The following SSH2 variants were observed in gnomAD, a reference collection of about 807,000 sequenced individuals.
SSH2 encodes the protein slingshot protein phosphatase 2.
Under a neutral mutation model 135.2 loss-of-function variants are expected in SSH2, and 37 were observed. That is an observed-to-expected ratio of 0.27 (90% confidence interval 0.21 to 0.36). The LOEUF (loss-of-function observed/expected upper bound fraction) is 0.36. SSH2 is among the 10% of genes least tolerant of loss of function. SSH2 has a pLI of 1.00. For synonymous variants in SSH2, 628 were observed against 646.2 expected (o/e 0.97, Z 0.43); for missense variants, 1,408 against 1,765.3 (o/e 0.80, Z 3.63).
At chr17:29,738,545 TTTTTA>T (rs1159813629) in intron 3 of SSH2, among the ~76,000 whole-genome samples, 53 of 149,188 alleles carry the variant, frequency 3.6e-4, no homozygotes, top group East Asian at 3.9e-4. Context: ...TTTTTTTTCT[TTTTTA>T]TTTTATTTTA....
intron 1 of SSH2, 25 bp downstream of exon 1, chr17:29,929,913 G>A (rs761586064): frequency 1.9e-6 from 3 of 1,576,252 alleles, no homozygotes; most frequent in African/African-American, 2.7e-5. Context: ...AGAAGCAAGC[G>A]GAGCGGCCGC....
At chr17:29,660,254 A>G (rs1598741365) in intron 11 of SSH2, among the ~76,000 whole-genome samples, 2 of 151,022 alleles carry the variant, frequency 1.3e-5, no homozygotes, top group East Asian at 3.9e-4. Flanking sequence ...ATTAGGGCCA[A>G]CTGCCTAACC....
chr17:29,809,586 A>G (rs2042405922), intron 2 of SSH2, among the ~76,000 whole-genome samples: 1 of 151,958 alleles, frequency 6.6e-6, no homozygotes, highest in Admixed American at 6.6e-5. Flanking sequence ...GATGAAATCT[A>G]ACTCTGAAGC....
intron 2 of SSH2, among the ~76,000 whole-genome samples, chr17:29,826,906 T>G (rs935028670): frequency 1.3e-5 from 2 of 152,106 alleles, no homozygotes; most frequent in Non-Finnish European, 2.9e-5. Flanking sequence ...TGGAGTAAAG[T>G]AGACACAGTT....
chr17:29,856,786 T>C (rs946563684), intron 1 of SSH2, among the ~76,000 whole-genome samples: 1 of 152,186 alleles, frequency 6.6e-6, no homozygotes, highest in Non-Finnish European at 1.5e-5. Context: ...CATACAAGCA[T>C]TGTGTGTGTA....
At chr17:29,829,497 T>C (rs1205330649) in intron 2 of SSH2, among the ~76,000 whole-genome samples, 2 of 152,058 alleles carry the variant, frequency 1.3e-5, no homozygotes, top group Non-Finnish European at 2.9e-5. Flanking sequence ...TGTACATATA[T>C]ATATGGAGAG....
intron 11 of SSH2, among the ~76,000 whole-genome samples, chr17:29,661,785 A>G (rs1184677210): frequency 6.6e-6 from 1 of 152,208 alleles, no homozygotes; most frequent in Non-Finnish European, 1.5e-5. Context: ...CCTAGTTTTC[A>G]TCTACCTGTC....
chr17:29,679,127 T>C (rs897323866), intron 6 of SSH2, among the ~76,000 whole-genome samples: 3 of 152,178 alleles, frequency 2.0e-5, no homozygotes, highest in Non-Finnish European at 4.4e-5. Context: ...ATCTCTTCTC[T>C]GGGAAACAGT....
At chr17:29,679,201 G>A (rs1485140768) in intron 6 of SSH2, among the ~76,000 whole-genome samples, 1 of 151,958 alleles carries the variant, frequency 6.6e-6, no homozygotes, top group African/African-American at 2.4e-5. Flanking sequence ...TCCCACTCTG[G>A]CTAGTCTCCG....
intron 6 of SSH2, among the ~76,000 whole-genome samples, chr17:29,683,775 A>G (rs1227976248): frequency 1.4e-5 from 2 of 144,644 alleles, no homozygotes; most frequent in Non-Finnish European, 3.0e-5. Flanking sequence ...AAAATAAGGA[A>G]AAAAAAAAAA....
In SSH2 at chr17:29,636,120, C is replaced by T; in HGVS notation, c.2110G>A (p.Glu704Lys). The change falls in exon 15 of 16, where the codon GAG (glutamate) becomes AAG (lysine). Residue 704 changes from glutamate (E) to lysine (K), a missense_variant. Glu to Lys is a moderately conservative substitution (Grantham distance 56, BLOSUM62 1). Transcript: ENST00000540801. ...RSRSFSHSRM[E>K]ELGGGRNESC... ...TCATTCCTTCCTCCACCCAGTTCCT[C>T]CATCCTTGAATGGGAAAAAGATCGT... The T allele has an allele frequency of 6.2e-7, 1 of 1,614,188 alleles. No homozygotes were observed. The highest frequency in any genetic ancestry group is 8.5e-7 in the Non-Finnish European group (1 of 1,180,026).
intron 2 of SSH2, 55 bp from the exon 3 acceptor site, chr17:29,793,992 T>C (rs1407522620): frequency 1.6e-6 from 2 of 1,243,118 alleles, no homozygotes; most frequent in East Asian, 4.6e-5. Flanking sequence ...CATATCATAA[T>C]ATCACTAATA....
At chr17:29,836,466 T>C (rs546776705) in intron 2 of SSH2, among the ~76,000 whole-genome samples, 1 of 152,268 alleles carries the variant, frequency 6.6e-6, no homozygotes, top group African/African-American at 2.4e-5. Flanking sequence ...TGCCACAGAG[T>C]AGACTTAAAT....
In SSH2 at chr17:29,872,366, G is replaced by A. The variant is rs142414397; in HGVS notation, c.64-23437C>T. 5.1e-3 allele frequency among the ~76,000 whole-genome samples: 772 copies of A among 152,242 alleles called. 6 individuals carry two copies. The highest frequency in any genetic ancestry group is 0.018 in the African/African-American group (729 of 41,546). ...AAAAGAGTGTATATCCCTATTCCTA[G>A]AGACTACATTAACAAAGAAAGAAAT... On this transcript the variant is annotated intron_variant, in intron 1 of 15. Coordinates refer to ENST00000540801, the MANE Select transcript of SSH2 (RefSeq NM_001282129.2).
At chr17:29,867,278 C>A (rs2151417325) in intron 1 of SSH2, among the ~76,000 whole-genome samples, 1 of 152,258 alleles carries the variant, frequency 6.6e-6, no homozygotes, top group Admixed American at 6.5e-5. Flanking sequence ...TTGTAAATCA[C>A]CTTACATATT....
At position 29,770,467 on chromosome 17, in the gene SSH2, A is replaced by AT. The variant is rs1332268656; in HGVS notation, c.188+23426dup. Among the ~76,000 whole-genome samples, 3 of 146,768 alleles carry AT rather than the reference A, an allele frequency of 2.0e-5. No individual in the cohort carries two copies. In the Admixed American group the frequency reaches 2.0e-4, roughly 10 times the overall value. On this transcript the variant is annotated intron_variant, in intron 3 of 15. Transcript: ENST00000540801. The stretch of plus-strand genomic sequence containing the variant: ...TCAAGTCTCATTCTCTTTTTTTATA[A>AT]TTAAGTCACTTTTTTTTTTTTTCAA...
chr17:29,921,317 T>G (rs954108646), intron 1 of SSH2, among the ~76,000 whole-genome samples: 2 of 152,196 alleles, frequency 1.3e-5, no homozygotes, highest in African/African-American at 2.4e-5. Flanking sequence ...ACAGTAAGTG[T>G]TCAATAAATA....
At chr17:29,863,244 T>C (rs992272357) in intron 1 of SSH2, among the ~76,000 whole-genome samples, 2 of 152,142 alleles carry the variant, frequency 1.3e-5, no homozygotes, top group African/African-American at 4.8e-5. Context: ...TGCCCAGAAC[T>C]GTTCTCTAAT....
intron 3 of SSH2, chr17:29,761,276 A>G (rs2041290368): frequency 4.7e-6 from 6 of 1,287,444 alleles, no homozygotes; most frequent in African/African-American, 1.5e-5. Context: ...GCTCAGGGTC[A>G]TGGGGCCGGC....
Sources: allele counts gnomAD v4.1 joint callset (sites outside exome capture counted in the v4.1 genomes callset), GRCh38; gene constraint gnomAD v4.1.1; transcripts MANE v1.5; gene names NCBI Gene and HGNC (gene_info 2026-07-23, HGNC 2026-07-21).